Variants in FGFR2 observed in about 807,000 individuals in gnomAD.
The protein encoded by FGFR2 is fibroblast growth factor receptor 2, also known as BEK fibroblast growth factor receptor.
In FGFR2, 19 loss-of-function variants were observed where a neutral mutation model predicts 95.9. That is an observed-to-expected ratio of 0.20 (90% CI 0.14 to 0.29). The LOEUF (loss-of-function observed/expected upper bound fraction) is 0.29. Ranked by LOEUF, FGFR2 falls within the 10% of genes least tolerant of loss-of-function variation. FGFR2 has a pLI of 1.00. For missense variants in FGFR2, 707 were observed against 1,056.9 expected (o/e 0.67, Z 4.59); for synonymous variants, 392 against 393.3 (o/e 1.00, Z 0.04).
chr10:121,556,924 A>G (rs1856247335), intron 4 of FGFR2, among the ~76,000 whole-genome samples: 1 of 152,174 alleles, frequency 6.6e-6, no homozygotes, highest in Non-Finnish European at 1.5e-5. Flanking sequence ...AATGTCTCAG[A>G]GCTCCCCACT....
intron 12 of FGFR2, among the ~76,000 whole-genome samples, chr10:121,497,577 C>T (rs543398794): frequency 3.3e-5 from 5 of 152,202 alleles, no homozygotes; most frequent in Non-Finnish European, 5.9e-5. Flanking sequence ...TAGGCATTTG[C>T]TTCCAGGTTT....
chr10:121,549,135 T>C (rs558403680), intron 5 of FGFR2, among the ~76,000 whole-genome samples: 1 of 152,346 alleles, frequency 6.6e-6, no homozygotes, highest in Non-Finnish European at 1.5e-5. Flanking sequence ...AACTTACTCA[T>C]AGGCTGTCCC....
intron 5 of FGFR2, among the ~76,000 whole-genome samples, chr10:121,550,570 C>T (rs1392876429): frequency 6.6e-6 from 1 of 152,178 alleles, no homozygotes; most frequent in African/African-American, 2.4e-5. Flanking sequence ...TCCACGCACT[C>T]TCCCTTAATG....
intron 3 of FGFR2, 62 bp from the exon 4 acceptor site, chr10:121,564,641 T>A (rs1339483636): frequency 6.8e-7 from 1 of 1,467,308 alleles, no homozygotes; most frequent in Admixed American, 1.7e-5. Context: ...GTTGCAATTA[T>A]CTACAACTGA....
chr10:121,496,993 T>C lies in FGFR2; in HGVS notation c.1673-271A>G, dbSNP rs189174721. On this transcript the variant is annotated intron_variant, in intron 12 of 17. Transcript: ENST00000358487. ...TAAAAATACAAAAATTAGCTGGGCA[T>C]GGTGACACACACCTATAGTCCCAGC... is the stretch of plus-strand genomic sequence containing the variant. Among the ~76,000 whole-genome samples the C allele has an allele frequency of 1.6e-3, 243 of 151,648 alleles. 1 individual carries two copies. The highest frequency in any genetic ancestry group is 5.2e-3 in the African/African-American group (213 of 41,342).
Position 121,490,154 on chromosome 10 carries a change from CTTTTTTTTTTTT to C in FGFR2, c.1864-2053_1864-2042del, listed in dbSNP as rs55633189. 1.8e-3 allele frequency among the ~76,000 whole-genome samples: 148 copies of C among 80,036 alleles called. 3 individuals carry two copies. Among genetic ancestry groups the C allele is most frequent in the South Asian group, 3.0e-3 (4 of 1,332 alleles). The allele number at this position is 80,036 out of a possible 152,430, so 52.5% of individuals were successfully genotyped here. A position where few individuals can be genotyped will look rare whatever the true frequency, so the allele number is the denominator to read the frequency against. ...GATCTAGCTATTACGACTTTTCCTT[CTTTTTTTTTTTT>C]TTTTTTTTTTTTTTGAGACGGAGTT... On this transcript the variant is annotated intron_variant, in intron 13 of 17. Transcript: ENST00000358487.
At chr10:121,481,827 C>CTT (rs1172844728) in intron 17 of FGFR2, 18,064 of 172,494 alleles carry the variant, frequency 0.1, 2,513 homozygotes, top group African/African-American at 0.24. Flanking sequence ...CGGTTTCTTT[C>CTT]TTTTTTATTT....
At chr10:121,597,279 G>T (rs922535519) in intron 1 of FGFR2, among the ~76,000 whole-genome samples, 1 of 152,200 alleles carries the variant, frequency 6.6e-6, no homozygotes, top group South Asian at 2.1e-4. Context: ...GTTAGAACTC[G>T]CCTGCGCTTT....
At chr10:121,507,773 G>A (rs1370059969) in intron 9 of FGFR2, among the ~76,000 whole-genome samples, 1 of 152,162 alleles carries the variant, frequency 6.6e-6, no homozygotes, top group East Asian at 1.9e-4. Context: ...GCCCAGATCT[G>A]AGAGAACAGA....
In FGFR2 at chr10:121,479,539, CA is replaced by C; in HGVS notation, c.*317del. The C allele has an allele frequency of 6.7e-7, 1 of 1,498,032 alleles. No homozygotes were observed. Among genetic ancestry groups the C allele is most frequent in the Non-Finnish European group, 9.0e-7 (1 of 1,106,496 alleles). 92.8% of individuals were successfully genotyped at this position (1,498,032 alleles called of 1,614,324 possible). A position where few individuals can be genotyped will look rare whatever the true frequency, so the allele number is the denominator to read the frequency against. On this transcript the variant is annotated 3_prime_UTR_variant, in exon 18 of 18. Coordinates refer to ENST00000358487, the MANE Select transcript of FGFR2 (RefSeq NM_000141.5). ...TGACATAAATCTTCTCCAATTATTACAAAATTAACAAGGAAGGCAGAACGCA... is the reference window on the plus strand; with the variant it reads ...TGACATAAATCTTCTCCAATTATTACAAATTAACAAGGAAGGCAGAACGCA...
intron 2 of FGFR2, among the ~76,000 whole-genome samples, chr10:121,576,503 G>T (rs767526305): frequency 7.2e-5 from 11 of 152,166 alleles, no homozygotes; most frequent in Non-Finnish European, 1.3e-4. Context: ...CATGTGGGGG[G>T]CTCACAAGGA....
chr10:121,490,954 G>A (rs1311634957), intron 13 of FGFR2, among the ~76,000 whole-genome samples: 1 of 152,158 alleles, frequency 6.6e-6, no homozygotes, highest in African/African-American at 2.4e-5. Context: ...AAGCTGCCTG[G>A]AGATTCGTCT....
chr10:121,488,023 T>G lies in FGFR2; in HGVS notation c.1954A>C (p.Asn652His). 1 of 1,614,212 alleles carries G rather than the reference T, an allele frequency of 6.2e-7. No individual in the cohort carries two copies. Among genetic ancestry groups the G allele is most frequent in the South Asian group, 1.1e-5 (1 of 91,084 alleles). Residue 652 changes from asparagine (N) to histidine (H), a missense_variant, in exon 14 of 18, where the codon AAC becomes CAC. Physicochemically the swap from Asn to His is moderately conservative, Grantham distance 68 (BLOSUM62 1). This residue lies in a region of FGFR2 where 104 missense variants were observed against 214.2 expected (regional missense o/e 0.49). Transcript: ENST00000358487. Reference protein sequence around the residue: ...IADFGLARDINNIDYYKKTTN... With the variant: ...IADFGLARDIHNIDYYKKTTN... ...GTCTTTTTGTAATAGTCTATATTGT[T>G]GATATCTCTGGCGAGTCCAAAGTCT...
At chr10:121,573,412 G>A (rs1374268512) in intron 2 of FGFR2, among the ~76,000 whole-genome samples, 2 of 152,132 alleles carry the variant, frequency 1.3e-5, no homozygotes, top group Non-Finnish European at 2.9e-5. Flanking sequence ...GGGTCGTCCT[G>A]GAACCCATCC....
At chr10:121,587,635 C>T (rs1299706403) in intron 2 of FGFR2, among the ~76,000 whole-genome samples, 1 of 151,822 alleles carries the variant, frequency 6.6e-6, no homozygotes, top group Non-Finnish European at 1.5e-5. Context: ...TACGTCCCAC[C>T]AGCATATGAA....
rs1369292761 is a variant in FGFR2 at position 121,496,976 on chromosome 10, C to T, written c.1673-254G>A. Among the ~76,000 whole-genome samples the T allele has an allele frequency of 4.0e-5, 6 of 151,420 alleles. No homozygotes were observed. The East Asian group carries it at 7.8e-4, about 20-fold the overall frequency. On this transcript the variant is annotated intron_variant, in intron 12 of 17. Transcript: ENST00000358487. The stretch of plus-strand genomic sequence containing the variant: ...CGAAACCTCGTCTCTACTAAAAATA[C>T]AAAAATTAGCTGGGCATGGTGACAC...
chr10:121,594,285 C>G (rs544019143), intron 1 of FGFR2: 1 of 278,352 alleles, frequency 3.6e-6, no homozygotes, highest in East Asian at 5.3e-5. Context: ...ATCGCCTCCA[C>G]CGCCCTCAAT....
chr10:121,538,879 A>C (rs1183050612), intron 5 of FGFR2, among the ~76,000 whole-genome samples, 164 bp from the exon 6 acceptor site: 1 of 152,220 alleles, frequency 6.6e-6, no homozygotes, highest in Non-Finnish European at 1.5e-5. Flanking sequence ...AGAAATGAAA[A>C]CCATCATCAT....
At chr10:121,576,320 G>A (rs941348827) in intron 2 of FGFR2, among the ~76,000 whole-genome samples, 19 of 152,200 alleles carry the variant, frequency 1.2e-4, no homozygotes, top group Admixed American at 5.9e-4. Flanking sequence ...TGCACGCCCC[G>A]GCTTGGATGT....
Sources: gnomAD v4.1 joint callset for allele counts (sites outside exome capture counted in the v4.1 genomes callset) on GRCh38, gnomAD v4.1.1 for gene constraint, gnomAD v4.1.1 regional missense constraint, MANE v1.5 for transcripts, NCBI Gene and HGNC (gene_info 2026-07-23, HGNC 2026-07-21) for gene names.